Variants in NHERF2 observed in about 807,000 individuals in gnomAD.
NHERF2 encodes Na(+)/H(+) exchange regulatory cofactor NHE-RF2.
chr16:2,033,660 G>C, the NHERF2 span, among the ~76,000 whole-genome samples: 1 of 152,216 alleles, frequency 6.6e-6, no homozygotes, highest in Non-Finnish European at 1.5e-5. Flanking sequence ...GACCAGGGAT[G>C]GTCCAGCTCT....
chr16:2,033,992 G>A, the NHERF2 span, among the ~76,000 whole-genome samples: 1 of 152,196 alleles, frequency 6.6e-6, no homozygotes, highest in Admixed American at 6.5e-5. Context: ...GGCTGCTTCT[G>A]GACAGAGGCA....
chr16:2,030,289 G>C, the NHERF2 span, among the ~76,000 whole-genome samples: 1 of 152,176 alleles, frequency 6.6e-6, no homozygotes, highest in Admixed American at 6.5e-5. Flanking sequence ...CAGGCCTGGC[G>C]TAGGTGGGGC....
At chr16:2,027,403 G>T in the NHERF2 span, among the ~76,000 whole-genome samples, 1 of 152,214 alleles carries the variant, frequency 6.6e-6, no homozygotes, top group Non-Finnish European at 1.5e-5. Context: ...GGGGGTGGGG[G>T]GGGGCATCCT....
At chr16:2,037,888 G>A in the NHERF2 span, 393 of 1,608,156 alleles carry the variant, frequency 2.4e-4, no homozygotes, top group Non-Finnish European at 3.1e-4. Context: ...GCCCCACGGC[G>A]GCCGAGGCCA....
At chr16:2,033,708 G>A in the NHERF2 span, among the ~76,000 whole-genome samples, 4 of 152,140 alleles carry the variant, frequency 2.6e-5, no homozygotes, top group South Asian at 8.3e-4. Context: ...TGGAGCCCGT[G>A]GGAGCCCGAG....
At chr16:2,038,355 C>CA in the NHERF2 span, 1 of 463,470 alleles carries the variant, frequency 2.2e-6, no homozygotes, top group Non-Finnish European at 4.2e-6. Flanking sequence ...GCTTTTTTTC[C>CA]AAAAAGATCT....
At chr16:2,037,358 C>T in the NHERF2 span, among the ~76,000 whole-genome samples, 1 of 152,304 alleles carries the variant, frequency 6.6e-6, no homozygotes, top group Admixed American at 6.5e-5. Flanking sequence ...GCCAGGCCAC[C>T]TGCCTGTCAC....
chr16:2,038,198 TGA>T, the NHERF2 span: 7 of 601,814 alleles, frequency 1.2e-5, no homozygotes, highest in African/African-American at 7.5e-5. Flanking sequence ...CCCAGAGATG[TGA>T]GAGAGAGTCA....
the NHERF2 span, among the ~76,000 whole-genome samples, chr16:2,027,406 G>T: frequency 2.0e-5 from 3 of 152,278 alleles, no homozygotes; most frequent in Non-Finnish European, 2.9e-5. Flanking sequence ...GGTGGGGGGG[G>T]GCATCCTGGC....
At chr16:2,036,201 G>C in the NHERF2 span, 1 of 1,011,772 alleles carries the variant, frequency 9.9e-7, no homozygotes, top group Non-Finnish European at 1.4e-6. Flanking sequence ...GTTTGCCACT[G>C]AGACCTGGGC....
chr16:2,029,512 G>A, the NHERF2 span: 7 of 1,424,676 alleles, frequency 4.9e-6, no homozygotes, highest in African/African-American at 1.4e-5. Flanking sequence ...CCAGCCCAGA[G>A]TGGTGCCACT....
At chr16:2,037,117 C>T in the NHERF2 span, 3 of 1,213,520 alleles carry the variant, frequency 2.5e-6, no homozygotes, top group South Asian at 1.3e-5. Context: ...CCGATTTTAG[C>T]CCTGTCACCT....
At chr16:2,031,392 A>G in the NHERF2 span, among the ~76,000 whole-genome samples, 1 of 152,158 alleles carries the variant, frequency 6.6e-6, no homozygotes, top group Non-Finnish European at 1.5e-5. Flanking sequence ...TCCCTCCCCC[A>G]GGAGGAAGCT....
the NHERF2 span, among the ~76,000 whole-genome samples, chr16:2,028,503 A>G: frequency 6.6e-6 from 1 of 152,198 alleles, no homozygotes; most frequent in South Asian, 2.1e-4. Context: ...CCACTGCCCC[A>G]GGAGGGCAAG....
the NHERF2 span, chr16:2,036,163 T>C: frequency 1.5e-6 from 1 of 679,466 alleles, no homozygotes. Flanking sequence ...GCTAAAGCTC[T>C]GTCACAGGCA....
chr16:2,038,409 CTTCCCCTCCCCCTT>C, the NHERF2 span: 2 of 102,908 alleles, frequency 1.9e-5, no homozygotes, highest in South Asian at 2.6e-4. Flanking sequence ...GACCCCCCCC[CTTCCCCTCCCCCTT>C]CCCCTCCCCC....
the NHERF2 span, chr16:2,026,927 C>A: frequency 2.0e-6 from 1 of 496,192 alleles, no homozygotes; most frequent in Non-Finnish European, 2.6e-6. Flanking sequence ...CTGAAGCCAC[C>A]GCCGGGTGCC....
the NHERF2 span, chr16:2,035,616 C>T: frequency 3.0e-6 from 3 of 986,498 alleles, no homozygotes; most frequent in Non-Finnish European, 3.6e-6. Flanking sequence ...GGCCCACCCC[C>T]TGGCTGGGAG....
At chr16:2,037,835 G>A in the NHERF2 span, 1 of 1,590,164 alleles carries the variant, frequency 6.3e-7, no homozygotes, top group South Asian at 1.1e-5. Context: ...GGATGGCAGT[G>A]CCTGGAAGCA....
Sources: gnomAD v4.1 joint callset for allele counts (sites outside exome capture counted in the v4.1 genomes callset) on GRCh38, gnomAD v4.1.1 for gene constraint, MANE v1.5 for transcripts, NCBI Gene and HGNC (gene_info 2026-07-23, HGNC 2026-07-21) for gene names.